R3HDM2: variants seen among roughly 807,000 people sequenced by gnomAD.
R3HDM2 encodes R3H domain containing 2.
R3HDM2 carries 38 observed loss-of-function variants against 124.5 expected under a neutral mutation model. The observed-to-expected ratio is 0.31, with a 90% CI of 0.24 to 0.40. The LOEUF (loss-of-function observed/expected upper bound fraction) is 0.40, where lower values mean the gene tolerates loss of function less well. Ranked by LOEUF, R3HDM2 falls within the 10% of genes least tolerant of loss-of-function variation. The pLI is 1.00. For synonymous variants in R3HDM2, 391 were observed against 448.0 expected (o/e 0.87, Z 1.61); for missense variants, 869 against 1,236.9 (o/e 0.70, Z 4.46).
At chr12:57,270,097 T>C (rs1419036574) in intron 14 of R3HDM2, 103 bp from the exon 15 acceptor site, 1 of 1,385,038 alleles carries the variant, frequency 7.2e-7, no homozygotes, top group South Asian at 1.3e-5. Context: ...ACAACCTTCT[T>C]TAAAACAATG....
chr12:57,413,960 C>G (rs2069281160), intron 1 of R3HDM2, among the ~76,000 whole-genome samples: 1 of 149,252 alleles, frequency 6.7e-6, no homozygotes, highest in African/African-American at 2.5e-5. Context: ...ATTCTCCCGC[C>G]TCAGCCTCCT....
At chr12:57,315,864 A>G (rs1050473337) in intron 2 of R3HDM2, among the ~76,000 whole-genome samples, 4 of 152,216 alleles carry the variant, frequency 2.6e-5, no homozygotes, top group African/African-American at 9.6e-5. Context: ...TCACGCCTAC[A>G]GTCAGAGCAC....
chr12:57,288,394 C>A (rs148138269), intron 12 of R3HDM2, among the ~76,000 whole-genome samples: 1,542 of 151,652 alleles, frequency 0.01, 13 homozygotes, highest in African/African-American at 0.019. Flanking sequence ...CTCTCTCTCT[C>A]TCTATATATA....
chr12:57,430,515 G>A, intron 1 of R3HDM2: 2 of 380,916 alleles, frequency 5.3e-6, no homozygotes, highest in Non-Finnish European at 3.5e-6. Context: ...CCTCCGCCCC[G>A]CGCCCCCAGC....
chr12:57,418,411 G>A (rs958470220), intron 1 of R3HDM2: 7 of 856,212 alleles, frequency 8.2e-6, no homozygotes, highest in East Asian at 1.2e-4. Flanking sequence ...GCAGGCTGCC[G>A]TTGGTCTTTG....
At chr12:57,371,285 T>C (rs991320918) in intron 2 of R3HDM2, among the ~76,000 whole-genome samples, 4 of 150,798 alleles carry the variant, frequency 2.7e-5, no homozygotes, top group African/African-American at 7.3e-5. Flanking sequence ...TATTCATATA[T>C]CAAAAAGAAA....
Position 57,296,311 on chromosome 12 carries a change from C to A in R3HDM2, c.701+100G>T. On this transcript the variant is annotated intron_variant, in intron 9 of 23. Transcript: ENST00000402412. The surrounding 1 kb of genome is among the most constrained non-coding windows in gnomAD (Gnocchi z 4.5). ...GGGATTACAGGTGTGAGCCACCACG[C>A]CTGGCCATCTGCAAGAGACATCCTG... 1.4e-6 allele frequency: 2 copies of A among 1,381,516 alleles called. No homozygotes were observed. Among genetic ancestry groups the A allele is most frequent in the African/African-American group, 1.4e-5 (1 of 69,726 alleles). The allele number at this position is 1,381,516 out of a possible 1,614,324, so 85.6% of individuals were successfully genotyped here.
chr12:57,313,915 G>A lies in R3HDM2; in HGVS notation c.-35-3452C>T, dbSNP rs556806409. On this transcript the variant is annotated intron_variant, in intron 2 of 23. Coordinates refer to ENST00000402412, the MANE Select transcript of R3HDM2 (RefSeq NM_001394031.1). The stretch of plus-strand genomic sequence containing the variant: ...AAAAAAAAAAAAAAAAAGATCAGGC[G>A]CAGTGGCTCATACCTGCAATCCCAG... 2.6e-4 allele frequency among the ~76,000 whole-genome samples: 38 copies of A among 146,596 alleles called. 1 individual carries two copies. Among genetic ancestry groups the A allele is most frequent in the Non-Finnish European group, 4.6e-4 (31 of 66,828 alleles).
At chr12:57,343,186 ATTTTT>A (rs760665727) in intron 2 of R3HDM2, among the ~76,000 whole-genome samples, 1 of 133,946 alleles carries the variant, frequency 7.5e-6, no homozygotes, top group South Asian at 2.3e-4. Context: ...TCGGGTCTTA[ATTTTT>A]TTTTTTTTTT....
In R3HDM2 at chr12:57,269,874, T is replaced by G. The variant is rs2043207980; in HGVS notation, c.1465A>C (p.Thr489Pro). The G allele has an allele frequency of 6.2e-7, 1 of 1,614,004 alleles. No individual in the cohort carries two copies. Among genetic ancestry groups the G allele is most frequent in the Non-Finnish European group, 8.5e-7 (1 of 1,180,014 alleles). ...TPLISQHPQQTSFIMASTGQP... is the reference protein window; with the variant it reads ...TPLISQHPQQPSFIMASTGQP... ...CCCGTGGAAGCCATGATGAAGCTAG[T>G]CTGCTGAGGGTGCTGGGAGATAAGT... The change falls in exon 15 of 24, where the codon ACT becomes CCT. Residue 489 changes from threonine (T) to proline (P), a missense_variant. By Grantham distance (38) the Thr-to-Pro change is conservative (BLOSUM62 -1). Around this residue, in one of 2 missense-constraint regions of R3HDM2, gnomAD observed 602 missense variants for 789.2 expected, o/e 0.76. Coordinates refer to ENST00000402412, the MANE Select transcript of R3HDM2 (RefSeq NM_001394031.1).
rs761748801 is a variant in R3HDM2 at position 57,256,048 on chromosome 12, G to A, written c.2574C>T (p.Asn858=). The change falls in exon 23 of 24, where the codon AAC becomes AAT. Residue 858 remains asparagine (N), a synonymous_variant. Transcript: ENST00000402412. ...HQGQSGLKHG[N]RGKRQALKSA... ...ATTTGAGTGCTTGTCTCTTGCCCCGGTTTCCATGCTTCAGTCCACTCTGTC... is the reference window on the plus strand; with the variant it reads ...ATTTGAGTGCTTGTCTCTTGCCCCGATTTCCATGCTTCAGTCCACTCTGTC... 6.2e-7 allele frequency: 1 copy of A among 1,614,076 alleles called. No homozygotes were observed. The highest frequency in any genetic ancestry group is 8.5e-7 in the Non-Finnish European group (1 of 1,180,006).
intron 1 of R3HDM2, among the ~76,000 whole-genome samples, chr12:57,402,106 C>A (rs1271892402): frequency 6.6e-6 from 1 of 152,002 alleles, no homozygotes; most frequent in Non-Finnish European, 1.5e-5. Context: ...ACCATCCTGG[C>A]CAACATGGTG....
intron 2 of R3HDM2, chr12:57,341,309 A>C: frequency 1.4e-6 from 1 of 690,542 alleles, no homozygotes; most frequent in South Asian, 6.5e-5. Flanking sequence ...TAGCACCTTT[A>C]AAACATCCCA....
intron 2 of R3HDM2, among the ~76,000 whole-genome samples, chr12:57,328,135 G>A (rs1170159216): frequency 6.7e-6 from 1 of 149,606 alleles, no homozygotes; most frequent in African/African-American, 2.5e-5. Context: ...GCAGTGGCGC[G>A]ATCACAGCTC....
At chr12:57,402,641 C>T (rs2068142531) in intron 1 of R3HDM2, among the ~76,000 whole-genome samples, 3 of 151,920 alleles carry the variant, frequency 2.0e-5, no homozygotes, top group East Asian at 1.9e-4. Context: ...TGGTGGCAGG[C>T]GCTTGTAAAT....
rs1157184352 is a variant in R3HDM2 at position 57,296,193 on chromosome 12, A to T, written c.701+218T>A. Among the ~76,000 whole-genome samples the T allele has an allele frequency of 5.1e-4, 76 of 148,320 alleles. No individual in the cohort carries two copies. The highest frequency in any genetic ancestry group is 9.8e-4 in the Non-Finnish European group (66 of 67,080). Reference sequence around the variant, plus strand: ...ATTTTTAAACTTTTTTTTTTTTTTTAAAGTAATAGAGATGGGATCTTGCTG... The same window carrying T: ...ATTTTTAAACTTTTTTTTTTTTTTTTAAGTAATAGAGATGGGATCTTGCTG... On this transcript the variant is annotated intron_variant, in intron 9 of 23. Transcript: ENST00000402412. This position sits in a 1 kb window ranked among gnomAD's most constrained non-coding sequence, Gnocchi z 4.5.
intron 1 of R3HDM2, among the ~76,000 whole-genome samples, chr12:57,405,708 T>G (rs1566498264): frequency 6.6e-6 from 1 of 152,068 alleles, no homozygotes; most frequent in Non-Finnish European, 1.5e-5. Flanking sequence ...TATACTTTAT[T>G]TAAAAACAAA....
In R3HDM2 at chr12:57,431,009, A is replaced by C. The variant is rs1352271184; in HGVS notation, c.-395T>G. 2.6e-5 allele frequency: 4 copies of C among 152,318 alleles called. No homozygotes were observed. Among genetic ancestry groups the C allele is most frequent in the South Asian group, 2.1e-4 (1 of 4,856 alleles). 9.4% of individuals were successfully genotyped at this position (152,318 alleles called of 1,614,324 possible). A position where few individuals can be genotyped will look rare whatever the true frequency, so the allele number is the denominator to read the frequency against. On this transcript the variant is annotated 5_prime_UTR_variant, in exon 1 of 24. Coordinates refer to ENST00000402412, the MANE Select transcript of R3HDM2 (RefSeq NM_001394031.1). ...AATCAGAAGGGGAAGAAAAGCCCAG[A>C]GTCCGCCCCCCGCTGCGGCTGCGCG... is the stretch of plus-strand genomic sequence containing the variant.
chr12:57,343,034 A>C (rs2059724777), intron 2 of R3HDM2, among the ~76,000 whole-genome samples: 1 of 152,170 alleles, frequency 6.6e-6, no homozygotes, highest in Non-Finnish European at 1.5e-5. Context: ...CTGATGAAAA[A>C]GGATGGTAAT....
Sources: allele counts gnomAD v4.1 joint callset (sites outside exome capture counted in the v4.1 genomes callset), GRCh38; gene constraint gnomAD v4.1.1; regional missense constraint gnomAD v4.1.1; non-coding constraint Gnocchi (gnomAD v3.1); transcripts MANE v1.5; gene names NCBI Gene and HGNC (gene_info 2026-07-23, HGNC 2026-07-21).